Variants in MAGI2 observed in about 807,000 individuals in gnomAD.
The protein encoded by MAGI2 is membrane-associated guanylate kinase, WW and PDZ domain-containing protein 2.
In MAGI2, 35 loss-of-function variants were observed where a neutral mutation model predicts 133.3. The observed-to-expected ratio is 0.26, with a 90% CI of 0.20 to 0.35. The LOEUF is 0.35. MAGI2 is among the 10% of genes least tolerant of loss of function. The probability of loss-of-function intolerance (pLI) is 1.00; values close to 1 mark genes in which losing one functional copy is unlikely to be tolerated. For synonymous variants in MAGI2, 729 were observed against 710.6 expected (o/e 1.03, Z -0.41); for missense variants, 1,636 against 1,863.4 (o/e 0.88, Z 2.25).
At chr7:78,398,531 C>G (rs1583890400) in intron 6 of MAGI2, among the ~76,000 whole-genome samples, 1 of 152,164 alleles carries the variant, frequency 6.6e-6, no homozygotes, top group African/African-American at 2.4e-5. Context: ...CCCGACCTCC[C>G]TTTTCTTAGA....
chr7:79,092,195 C>T (rs539038526), intron 1 of MAGI2, among the ~76,000 whole-genome samples: 79 of 152,060 alleles, frequency 5.2e-4, no homozygotes, highest in Non-Finnish European at 8.5e-4. Context: ...TTCAGCTAAG[C>T]GTTTAATCTA....
At chr7:78,596,567 T>C (rs1334708909) in intron 3 of MAGI2, among the ~76,000 whole-genome samples, 1 of 152,146 alleles carries the variant, frequency 6.6e-6, no homozygotes, top group Non-Finnish European at 1.5e-5. Flanking sequence ...TTAAATCCTA[T>C]ACTTTTTACG....
At chr7:78,337,398 A>C (rs567830140) in intron 9 of MAGI2, among the ~76,000 whole-genome samples, 72 of 152,324 alleles carry the variant, frequency 4.7e-4, no homozygotes, top group African/African-American at 1.7e-3. Context: ...CCTTCCCAGG[A>C]GTCAGTGCTG....
chr7:78,982,703 T>A (rs957541445), intron 2 of MAGI2, among the ~76,000 whole-genome samples: 1 of 151,768 alleles, frequency 6.6e-6, no homozygotes, highest in African/African-American at 2.4e-5. Context: ...TATACATTTA[T>A]GAAAGCCAGG....
In MAGI2 at chr7:78,185,661, G is replaced by A; in HGVS notation, c.2279C>T (p.Pro760Leu). 1 of 1,584,230 alleles carries A rather than the reference G, an allele frequency of 6.3e-7. No homozygotes were observed. The highest frequency in any genetic ancestry group is 8.6e-7 in the Non-Finnish European group (1 of 1,159,840). ...ATCCATTCGAAAACTGGTCCTGGGT[G>A]GCACTTGTTCTGGATGGGAAAATGG... Reference protein sequence around the residue: ...RAIYESRQQVPPRTSFRMDSS... With the variant: ...RAIYESRQQVLPRTSFRMDSS... The change falls in exon 13 of 22, where the codon CCA becomes CTA. Residue 760 changes from proline to leucine, a missense_variant. This residue lies in a region of MAGI2 where 920 missense variants were observed against 1,093.5 expected (regional missense o/e 0.84). Coordinates refer to ENST00000354212, the MANE Select transcript of MAGI2 (RefSeq NM_012301.4).
intron 1 of MAGI2, among the ~76,000 whole-genome samples, chr7:79,156,432 C>T (rs1454994233): frequency 6.6e-6 from 1 of 152,040 alleles, no homozygotes; most frequent in Admixed American, 6.6e-5. Flanking sequence ...AATAGGAAAC[C>T]TTTGTCACCT....
At chr7:78,224,356 C>A (rs1411436825) in intron 10 of MAGI2, among the ~76,000 whole-genome samples, 1 of 152,156 alleles carries the variant, frequency 6.6e-6, no homozygotes, top group African/African-American at 2.4e-5. Context: ...CTTAGTTTTA[C>A]ACAGTGAGTT....
intron 14 of MAGI2, among the ~76,000 whole-genome samples, chr7:78,171,868 C>T (rs180866599): frequency 1.3e-5 from 2 of 150,206 alleles, no homozygotes; most frequent in East Asian, 3.9e-4. Context: ...CTTCTCTGCC[C>T]CCTTGGAGGA....
intron 20 of MAGI2, among the ~76,000 whole-genome samples, chr7:78,110,161 C>T (rs1277720442): frequency 6.6e-6 from 1 of 152,186 alleles, no homozygotes; most frequent in East Asian, 1.9e-4. Flanking sequence ...AAAACAACCT[C>T]TTTCCAATAT....
intron 21 of MAGI2, among the ~76,000 whole-genome samples, chr7:78,027,681 G>T (rs1168916408): frequency 6.7e-6 from 1 of 150,244 alleles, no homozygotes; most frequent in Non-Finnish European, 1.5e-5. Context: ...TGCAATCAGA[G>T]AACAATAAAA....
rs573817833 is a variant in MAGI2 at position 79,241,927 on chromosome 7, G to T, written c.301+211093C>A. On this transcript the variant is annotated intron_variant, in intron 1 of 21. Transcript: ENST00000354212. ...CATGCATAAGGATAGTTTTCCCTATGATTTAATTCCCCAACGAATCAGCAG... is the reference window on the plus strand; with the variant it reads ...CATGCATAAGGATAGTTTTCCCTATTATTTAATTCCCCAACGAATCAGCAG... Among the ~76,000 whole-genome samples, 35 of 152,218 alleles carry T rather than the reference G, an allele frequency of 2.3e-4. 2 individuals are homozygous for T. The South Asian group carries it at 6.2e-3, about 27-fold the overall frequency.
At chr7:78,174,949 A>G (rs1437169237) in intron 14 of MAGI2, among the ~76,000 whole-genome samples, 1 of 152,220 alleles carries the variant, frequency 6.6e-6, no homozygotes, top group Non-Finnish European at 1.5e-5. Flanking sequence ...CTCTGCATGA[A>G]TGCTGGAGGG....
At chr7:79,363,148 C>T (rs10226131) in intron 1 of MAGI2, among the ~76,000 whole-genome samples, 4,565 of 151,258 alleles carry the variant, frequency 0.03, 220 homozygotes, top group African/African-American at 0.1. Context: ...TTTCTACATA[C>T]GAACAATAAA....
chr7:79,290,510 G>A (rs568866136), intron 1 of MAGI2, among the ~76,000 whole-genome samples: 13 of 151,788 alleles, frequency 8.6e-5, no homozygotes, highest in African/African-American at 2.9e-4. Flanking sequence ...CCATCTATAC[G>A]TCCATTGATG....
chr7:78,157,882 G>T (rs927941825), intron 16 of MAGI2, among the ~76,000 whole-genome samples: 1 of 152,116 alleles, frequency 6.6e-6, no homozygotes, highest in Non-Finnish European at 1.5e-5. Context: ...TGAAGAAAAA[G>T]GGAAATGAAA....
At chr7:78,845,631 C>T (rs1044587841) in intron 2 of MAGI2, among the ~76,000 whole-genome samples, 1 of 151,860 alleles carries the variant, frequency 6.6e-6, no homozygotes, top group Non-Finnish European at 1.5e-5. Context: ...GTATGGGAAA[C>T]CACTGTGGAT....
chr7:79,106,387 T>C (rs1818455382), intron 1 of MAGI2, among the ~76,000 whole-genome samples: 1 of 152,182 alleles, frequency 6.6e-6, no homozygotes, highest in Non-Finnish European at 1.5e-5. Context: ...ATTGTCATTG[T>C]GGTTACAGTA....
chr7:79,043,890 T>C (rs950762112), intron 1 of MAGI2, among the ~76,000 whole-genome samples: 5 of 152,138 alleles, frequency 3.3e-5, no homozygotes, highest in African/African-American at 7.2e-5. Flanking sequence ...GTTGTGAATA[T>C]TGAGTGTGAA....
intron 2 of MAGI2, among the ~76,000 whole-genome samples, chr7:78,705,574 A>C (rs1200341261): frequency 6.6e-6 from 1 of 152,120 alleles, no homozygotes; most frequent in Admixed American, 6.6e-5. Flanking sequence ...TGATGCTGAC[A>C]AACTTTCCTT....
Sources: gnomAD v4.1 joint callset for allele counts (sites outside exome capture counted in the v4.1 genomes callset) on GRCh38, gnomAD v4.1.1 for gene constraint, gnomAD v4.1.1 regional missense constraint, MANE v1.5 for transcripts, NCBI Gene and HGNC (gene_info 2026-07-23, HGNC 2026-07-21) for gene names.